DRG1: variants seen among roughly 807,000 people sequenced by gnomAD.
DRG1 encodes the protein developmentally regulated GTP binding protein 1.
A neutral mutation model predicts 38.8 loss-of-function variants in DRG1; 19 were observed. That is an observed-to-expected ratio of 0.49 (90% confidence interval 0.34 to 0.72). The LOEUF is 0.72. Among genes scored for constraint, DRG1 ranks in the 30% least tolerant of loss-of-function variants. The pLI is 0.01. For missense variants in DRG1, 299 were observed against 444.8 expected (o/e 0.67, Z 2.95); for synonymous variants, 167 against 157.5 (o/e 1.06, Z -0.45).
At chr22:31,407,172 T>C (rs570684750) in intron 3 of DRG1, among the ~76,000 whole-genome samples, 2 of 152,324 alleles carry the variant, frequency 1.3e-5, no homozygotes, top group South Asian at 4.1e-4. Context: ...CAATTGGTTA[T>C]GGTTGTGTCT....
In DRG1 at chr22:31,399,649, G is replaced by A. The variant is rs758494034; in HGVS notation, c.-35G>A. On this transcript the variant is annotated 5_prime_UTR_variant, in exon 1 of 9. Transcript: ENST00000331457. ...GCAGTTTGCCCGCGGGTGTGTGAAGGGAGACAGTGTGGAGGCCACAGGGTA... is the reference window on the plus strand; with the variant it reads ...GCAGTTTGCCCGCGGGTGTGTGAAGAGAGACAGTGTGGAGGCCACAGGGTA... 4.3e-6 allele frequency: 7 copies of A among 1,614,022 alleles called. No individual in the cohort carries two copies. The highest frequency in any genetic ancestry group is 5.9e-6 in the Non-Finnish European group (7 of 1,179,878).
At chr22:31,403,977 C>CTTTTTTTTTTTTTTTTTTTTTTTTTTTTT (rs11295429) in intron 3 of DRG1, among the ~76,000 whole-genome samples, 1 of 81,804 alleles carries the variant, frequency 1.2e-5, no homozygotes, top group Non-Finnish European at 2.3e-5. Context: ...AAGAGAATAA[C>CTTTTTTTTTTTTTTTTTTTTTTTTTTTTT]TTTTTTTTTT....
At chr22:31,433,499 G>A (rs1392871821) in intron 8 of DRG1, among the ~76,000 whole-genome samples, 1 of 152,060 alleles carries the variant, frequency 6.6e-6, no homozygotes, top group South Asian at 2.1e-4. Context: ...TTGAACGCCT[G>A]ATCTCAGGTG....
chr22:31,425,431 G>A (rs974595942), intron 6 of DRG1, among the ~76,000 whole-genome samples: 5 of 149,350 alleles, frequency 3.3e-5, no homozygotes, highest in Non-Finnish European at 7.4e-5. Context: ...TCTGTTTCAT[G>A]ATACATTACT....
chr22:31,409,563 A>G (rs1214555975), intron 3 of DRG1, among the ~76,000 whole-genome samples: 1 of 152,204 alleles, frequency 6.6e-6, no homozygotes, highest in African/African-American at 2.4e-5. Flanking sequence ...AACGGCTACA[A>G]AAATTTTTGT....
At chr22:31,432,703 G>A (rs1187596383) in intron 8 of DRG1, among the ~76,000 whole-genome samples, 1 of 151,988 alleles carries the variant, frequency 6.6e-6, no homozygotes, top group African/African-American at 2.4e-5. Flanking sequence ...GGAATTACAG[G>A]TGTGAGCCAC....
intron 5 of DRG1, chr22:31,421,328 G>T (rs955809265): frequency 1.7e-5 from 2 of 119,086 alleles, no homozygotes; most frequent in African/African-American, 6.6e-5. Flanking sequence ...TTGCCATGTT[G>T]CCCAGGCTGG....
At chr22:31,414,754 A>G (rs1243519019) in intron 4 of DRG1, among the ~76,000 whole-genome samples, 1 of 150,742 alleles carries the variant, frequency 6.6e-6, no homozygotes, top group Non-Finnish European at 1.5e-5. Flanking sequence ...TGAGTTAATC[A>G]TGCTTCTCAG....
At chr22:31,408,075 G>T (rs1183310173) in intron 3 of DRG1, among the ~76,000 whole-genome samples, 4 of 144,184 alleles carry the variant, frequency 2.8e-5, no homozygotes, top group Admixed American at 2.1e-4. Flanking sequence ...GCAGTGAGCC[G>T]AGATCACACC....
At position 31,405,889 on chromosome 22, in the gene DRG1, T is replaced by C. The variant is rs562231017; in HGVS notation, c.342+2685T>C. On this transcript the variant is annotated intron_variant, in intron 3 of 8. Transcript: ENST00000331457. ...TTTTAGTAGAGACGGGGTTTCACCA[T>C]ATTGATCAGGCTAGTCTCGAACTCC... 3.7e-4 allele frequency among the ~76,000 whole-genome samples: 57 copies of C among 152,152 alleles called. 1 individual carries two copies. The South Asian group carries it at 0.011, about 30-fold the overall frequency.
intron 6 of DRG1, among the ~76,000 whole-genome samples, chr22:31,425,893 G>A (rs527399764): frequency 6.6e-6 from 1 of 152,304 alleles, no homozygotes; most frequent in Non-Finnish European, 1.5e-5. Context: ...AGAAGCCAGT[G>A]TTTTCAGTTA....
intron 1 of DRG1, 115 bp downstream of exon 1, chr22:31,399,840 C>A (rs549886596): frequency 1.2e-5 from 18 of 1,498,414 alleles, no homozygotes; most frequent in Non-Finnish European, 1.7e-5. Context: ...TCCGCGACTT[C>A]TCTCAGCGAG....
chr22:31,423,282 C>G lies in DRG1; in HGVS notation c.585C>G (p.Cys195Trp). 1 of 1,613,764 alleles carries G rather than the reference C, an allele frequency of 6.2e-7. No homozygotes were observed. Among genetic ancestry groups the G allele is most frequent in the Non-Finnish European group, 8.5e-7 (1 of 1,179,954 alleles). The change falls in exon 6 of 9, where the codon TGC becomes TGG. Residue 195 changes from cysteine (C) to tryptophan (W), a missense_variant and splice_region_variant. By Grantham distance (215) the Cys-to-Trp change is radical. Coordinates refer to ENST00000331457, the MANE Select transcript of DRG1 (RefSeq NM_004147.4). ...DKGGINLTAT[C>W]PQSELDAETV... ...AGTCATCTGCTATTCCCTTTCAGTGCCCCCAGAGTGAGCTGGATGCTGAAA... is the reference window on the plus strand; with the variant it reads ...AGTCATCTGCTATTCCCTTTCAGTGGCCCCAGAGTGAGCTGGATGCTGAAA...
At chr22:31,419,572 G>C (rs2050064440) in intron 4 of DRG1, among the ~76,000 whole-genome samples, 1 of 152,042 alleles carries the variant, frequency 6.6e-6, no homozygotes, top group Non-Finnish European at 1.5e-5. Context: ...ATCAGTGGTT[G>C]GCTGGCAATA....
rs757230372 is a variant in DRG1, at chr22:31,400,658, C to T, written c.81C>T (p.His27=). The T allele has an allele frequency of 6.2e-7, 1 of 1,613,400 alleles. No homozygotes were observed. The highest frequency in any genetic ancestry group is 8.5e-7 in the Non-Finnish European group (1 of 1,179,596). ...AAAAGAACAAGGCCACAGCACACCA[C>T]TTAGGGCTGCTTAAGGCTCGTCTTG... ...RTQKNKATAH[H]LGLLKARLAK... is the part of the protein sequence containing the mutation. The change falls in exon 2 of 9, where the codon CAC becomes CAT. Residue 27 remains histidine (H), a synonymous_variant. Transcript: ENST00000331457.
At chr22:31,432,075 A>G (rs1388731820) in intron 8 of DRG1, among the ~76,000 whole-genome samples, 2 of 145,370 alleles carry the variant, frequency 1.4e-5, no homozygotes, top group Admixed American at 6.9e-5. Context: ...TTGCACAACT[A>G]TCTTTTTGGT....
intron 8 of DRG1, among the ~76,000 whole-genome samples, chr22:31,433,272 A>ATTTTTTTTTTTTT (rs695603): frequency 7.5e-6 from 1 of 132,620 alleles, no homozygotes; most frequent in Non-Finnish European, 1.6e-5. Context: ...TTAAAGACGG[A>ATTTTTTTTTTTTT]TTTTTTTTTT....
chr22:31,411,894 A>T (rs544902970), intron 4 of DRG1, among the ~76,000 whole-genome samples: 12 of 152,124 alleles, frequency 7.9e-5, no homozygotes, highest in Non-Finnish European at 1.6e-4. Context: ...AAATTTGAAG[A>T]ACGCTATCTT....
At chr22:31,411,534 T>TC (rs962456986) in intron 4 of DRG1, among the ~76,000 whole-genome samples, 3 of 150,200 alleles carry the variant, frequency 2.0e-5, no homozygotes, top group East Asian at 3.9e-4. Flanking sequence ...TCTTTTCTTT[T>TC]TTTTTTTTTT....
Sources: gnomAD v4.1 joint callset for allele counts (sites outside exome capture counted in the v4.1 genomes callset) on GRCh38, gnomAD v4.1.1 for gene constraint, MANE v1.5 for transcripts, NCBI Gene and HGNC (gene_info 2026-07-23, HGNC 2026-07-21) for gene names.